C9: variants seen among roughly 807,000 people sequenced by gnomAD.
The protein encoded by C9 is complement component C9.
Under a neutral mutation model 65.4 loss-of-function variants are expected in C9, and 63 were observed. The observed-to-expected ratio is 0.96, with a 90% CI of 0.79 to 1.19. The LOEUF is 1.19. Among genes scored for constraint, C9 ranks in the 50% most tolerant of loss-of-function variants. The pLI is 0.00. For missense variants in C9, 744 were observed against 670.1 expected (o/e 1.11, Z -1.22); for synonymous variants, 229 against 227.9 (o/e 1.00, Z -0.04).
chr5:39,334,221 G>A (rs834903), intron 4 of C9, among the ~76,000 whole-genome samples: 70,272 of 148,772 alleles, frequency 0.47, 16,790 homozygotes, highest in African/African-American at 0.58. Context: ...GTCTCTGCCC[G>A]GCGGCCCATC....
At chr5:39,318,815 T>G (rs1007076668) in intron 5 of C9, among the ~76,000 whole-genome samples, 1 of 152,172 alleles carries the variant, frequency 6.6e-6, no homozygotes, top group Non-Finnish European at 1.5e-5. Context: ...CAAGACATGT[T>G]GAAGAAACTG....
intron 9 of C9, among the ~76,000 whole-genome samples, chr5:39,293,821 C>A (rs1050519568): frequency 6.6e-6 from 1 of 151,544 alleles, no homozygotes; most frequent in Non-Finnish European, 1.5e-5. Flanking sequence ...TAACAAGTCT[C>A]GAAAAAATTT....
intron 9 of C9, among the ~76,000 whole-genome samples, chr5:39,303,953 T>G (rs1047361467): frequency 6.6e-6 from 1 of 152,164 alleles, no homozygotes; most frequent in African/African-American, 2.4e-5. Flanking sequence ...TACCCTGAAC[T>G]AGAATAAACA....
chr5:39,343,533 G>A (rs1294361169), intron 1 of C9, among the ~76,000 whole-genome samples: 3 of 152,204 alleles, frequency 2.0e-5, no homozygotes, highest in Admixed American at 6.5e-5. Flanking sequence ...CAGGAAGCTC[G>A]AACTGGGTGG....
chr5:39,360,673 C>T (rs912059658), intron 1 of C9, among the ~76,000 whole-genome samples: 3 of 151,934 alleles, frequency 2.0e-5, no homozygotes, highest in African/African-American at 7.3e-5. Context: ...ATATATATGG[C>T]CTTTCAATGT....
intron 9 of C9, among the ~76,000 whole-genome samples, chr5:39,297,547 G>C (rs1406563462): frequency 6.6e-6 from 1 of 151,474 alleles, no homozygotes; most frequent in African/African-American, 2.4e-5. Context: ...GATGGAAAAA[G>C]TTATCCCATA....
chr5:39,332,496 A>T (rs1263477739), intron 4 of C9, among the ~76,000 whole-genome samples: 1 of 152,244 alleles, frequency 6.6e-6, no homozygotes, highest in Non-Finnish European at 1.5e-5. Flanking sequence ...TTTAGCTTTT[A>T]AAAAAGTTTA....
chr5:39,306,234 A>G (rs1753373632), intron 9 of C9, among the ~76,000 whole-genome samples: 1 of 151,580 alleles, frequency 6.6e-6, no homozygotes, highest in Non-Finnish European at 1.5e-5. Flanking sequence ...GTGGAACACC[A>G]CGGGAAGGCA....
intron 1 of C9, among the ~76,000 whole-genome samples, chr5:39,363,762 A>G (rs1414877600): frequency 1.3e-5 from 2 of 152,226 alleles, no homozygotes; most frequent in African/African-American, 2.4e-5. Context: ...ATGACTTGCC[A>G]TGGGCTTTGC....
At chr5:39,348,569 G>T (rs1220060602) in intron 1 of C9, among the ~76,000 whole-genome samples, 1 of 152,138 alleles carries the variant, frequency 6.6e-6, no homozygotes, top group East Asian at 1.9e-4. Context: ...TTACACTGTT[G>T]GTGGGACTGT....
chr5:39,361,836 C>G (rs2111994189), intron 1 of C9, among the ~76,000 whole-genome samples: 1 of 152,240 alleles, frequency 6.6e-6, no homozygotes, highest in Middle Eastern at 3.4e-3. Flanking sequence ...AGTTAGAAAT[C>G]CCTGACAGTT....
At chr5:39,315,643 G>A (rs187875) in intron 6 of C9, 132 bp downstream of exon 6, 226,535 of 676,998 alleles carry the variant, frequency 0.33, 40,786 homozygotes, top group Non-Finnish European at 0.38. Context: ...TCTTTCTGAC[G>A]TGCTAGCTAC....
rs1407613505 is a variant in C9 at position 39,359,102 on chromosome 5, G to GTGTGTATATATATATATATATATATA, written c.77+5285_77+5286insTATATATATATATATATATATACACA. Among the ~76,000 whole-genome samples the GTGTGTATATATATATATATATATATA allele has an allele frequency of 3.0e-3, 310 of 103,562 alleles. 4 individuals are homozygous for GTGTGTATATATATATATATATATATA. Among genetic ancestry groups the GTGTGTATATATATATATATATATATA allele is most frequent in the Middle Eastern group, 5.9e-3 (1 of 170 alleles). The allele number at this position is 103,562 out of a possible 152,430, so 67.9% of individuals were successfully genotyped here. A position where few individuals can be genotyped will look rare whatever the true frequency, so the allele number is the denominator to read the frequency against. On this transcript the variant is annotated intron_variant, in intron 1 of 10. Transcript: ENST00000263408. ...TGTATATATATATGTGTGTGTGTGT[G>GTGTGTATATATATATATATATATATA]TATATATATATATATATATATATGT... is the stretch of plus-strand genomic sequence containing the variant.
At chr5:39,297,377 TA>T (rs1753204232) in intron 9 of C9, among the ~76,000 whole-genome samples, 1 of 151,502 alleles carries the variant, frequency 6.6e-6, no homozygotes, top group South Asian at 2.1e-4. Context: ...GTACAGATTT[TA>T]ATTTAACTGT....
chr5:39,305,750 G>T (rs1394618570), intron 9 of C9, among the ~76,000 whole-genome samples: 1 of 151,802 alleles, frequency 6.6e-6, no homozygotes, highest in East Asian at 1.9e-4. Flanking sequence ...ACTCCCAAAG[G>T]GTTTGTAAGC....
At chr5:39,359,661 T>A (rs143887047) in intron 1 of C9, among the ~76,000 whole-genome samples, 1 of 152,304 alleles carries the variant, frequency 6.6e-6, no homozygotes, top group Non-Finnish European at 1.5e-5. Context: ...TGGAGCAAAG[T>A]GCTCGATTAG....
intron 1 of C9, among the ~76,000 whole-genome samples, chr5:39,353,940 G>C (rs1754369454): frequency 6.6e-6 from 1 of 152,144 alleles, no homozygotes; most frequent in Non-Finnish European, 1.5e-5. Context: ...ATCTAGGCCT[G>C]TATCTCTCTA....
chr5:39,348,569 G>C (rs1220060602), intron 1 of C9, among the ~76,000 whole-genome samples: 2 of 152,138 alleles, frequency 1.3e-5, no homozygotes, highest in African/African-American at 2.4e-5. Flanking sequence ...TTACACTGTT[G>C]GTGGGACTGT....
chr5:39,327,701 T>C (rs1381962561), intron 5 of C9, among the ~76,000 whole-genome samples: 1 of 151,976 alleles, frequency 6.6e-6, no homozygotes, highest in Non-Finnish European at 1.5e-5. Flanking sequence ...GGGCTGGAAA[T>C]ATAGGATTTG....
Sources: gnomAD v4.1 joint callset for allele counts (sites outside exome capture counted in the v4.1 genomes callset) on GRCh38, gnomAD v4.1.1 for gene constraint, MANE v1.5 for transcripts, NCBI Gene and HGNC (gene_info 2026-07-23, HGNC 2026-07-21) for gene names.